Variants in PRKAR1B observed in about 807,000 individuals in gnomAD.
The protein encoded by PRKAR1B is cAMP-dependent protein kinase type I-beta regulatory subunit.
Under a neutral mutation model 46.5 loss-of-function variants are expected in PRKAR1B, and 22 were observed. That is an observed-to-expected ratio of 0.47 (90% CI 0.34 to 0.68). PRKAR1B has a LOEUF of 0.68. Ranked by LOEUF, PRKAR1B falls within the 30% of genes least tolerant of loss-of-function variation. PRKAR1B has a pLI of 0.01. For synonymous variants in PRKAR1B, 259 were observed against 217.7 expected (o/e 1.19, Z -1.67); for missense variants, 445 against 535.6 (o/e 0.83, Z 1.67).
rs1464427660 is a variant in PRKAR1B at position 711,398 on chromosome 7, G to C, written c.108C>G (p.Val36=). Residue 36 remains valine (V), a synonymous_variant, in exon 2 of 11, where the codon GTC becomes GTG. Transcript: ENST00000537384. ...GTTCGGGCTTGGAGATGCAGAGGTG[G>C]ACGATACAGTCTTTGAGGACCTGCT... ...GIQQVLKDCI[V]HLCISKPERP... is the part of the protein sequence containing the mutation. 1.9e-6 allele frequency: 3 copies of C among 1,614,254 alleles called. No homozygotes were observed. Among genetic ancestry groups the C allele is most frequent in the African/African-American group, 1.3e-5 (1 of 75,078 alleles).
intron 9 of PRKAR1B, among the ~76,000 whole-genome samples, chr7:561,615 A>T (rs1201721508): frequency 6.6e-6 from 1 of 152,148 alleles, no homozygotes; most frequent in Non-Finnish European, 1.5e-5. Flanking sequence ...CCCGCTCCTC[A>T]GGCCCGGCTG....
At chr7:643,477 C>T (rs768376185) in intron 4 of PRKAR1B, among the ~76,000 whole-genome samples, 3 of 151,426 alleles carry the variant, frequency 2.0e-5, no homozygotes, top group Non-Finnish European at 4.4e-5. Flanking sequence ...AATCCCAGCA[C>T]TTTGGGAGGC....
At chr7:573,376 T>A (rs1378356940) in intron 9 of PRKAR1B, among the ~76,000 whole-genome samples, 1 of 151,514 alleles carries the variant, frequency 6.6e-6, no homozygotes, top group Non-Finnish European at 1.5e-5. Context: ...CAGGGCACCC[T>A]GCGCAGCGCT....
In PRKAR1B at chr7:666,719, C is replaced by T. The variant is rs1055768333; in HGVS notation, c.440+10510G>A. On this transcript the variant is annotated intron_variant, in intron 4 of 10. Coordinates refer to ENST00000537384, the MANE Select transcript of PRKAR1B (RefSeq NM_001164760.2). This position sits in a 1 kb window ranked among gnomAD's most constrained non-coding sequence, Gnocchi z 4.9. ...ACTGTGGGTGCTGGGAGGCCCGGAG[C>T]GGCCTATTCACCAACTCAGGCCCAG... is the stretch of plus-strand genomic sequence containing the variant. Among the ~76,000 whole-genome samples the T allele has an allele frequency of 6.6e-6, 1 of 152,212 alleles. No individual in the cohort carries two copies. Among genetic ancestry groups the T allele is most frequent in the Admixed American group, 6.5e-5 (1 of 15,290 alleles).
chr7:674,053 C>A (rs1417715248), intron 4 of PRKAR1B, among the ~76,000 whole-genome samples: 1 of 152,200 alleles, frequency 6.6e-6, no homozygotes, highest in Admixed American at 6.5e-5. Flanking sequence ...TCCTGGGAAA[C>A]CCAGGGCCAC....
chr7:563,211 G>A (rs751293650), intron 9 of PRKAR1B, among the ~76,000 whole-genome samples: 5 of 152,126 alleles, frequency 3.3e-5, no homozygotes, highest in Non-Finnish European at 4.4e-5. Context: ...CTGATGCCCC[G>A]TGCCCTCGGC....
intron 8 of PRKAR1B, among the ~76,000 whole-genome samples, chr7:581,302 CAAAAAAAAA>C (rs758386135): frequency 3.9e-5 from 4 of 103,160 alleles, no homozygotes; most frequent in Non-Finnish European, 7.9e-5. Flanking sequence ...CACTCTGTCT[CAAAAAAAAA>C]AAAAAAAAAA....
chr7:633,264 C>T lies in PRKAR1B; in HGVS notation c.441-25812G>A, dbSNP rs571958002. ...TCTATCTAACACAGGCAGGAGGGGC[C>T]GTGACTCCATGTGCGTATTTGCTTA... On this transcript the variant is annotated intron_variant, in intron 4 of 10. Coordinates refer to ENST00000537384, the MANE Select transcript of PRKAR1B (RefSeq NM_001164760.2). Among the ~76,000 whole-genome samples the T allele has an allele frequency of 3.3e-5, 5 of 152,158 alleles. 1 individual carries two copies. The highest frequency in any genetic ancestry group is 1.3e-4 in the Admixed American group (2 of 15,262).
chr7:638,225 T>C lies in PRKAR1B; in HGVS notation c.441-30773A>G, dbSNP rs534812547. Among the ~76,000 whole-genome samples, 9 of 152,372 alleles carry C rather than the reference T, an allele frequency of 5.9e-5. No individual in the cohort carries two copies. The South Asian group carries it at 1.0e-3, about 18-fold the overall frequency. ...CTCCTCGACTTGGCACATTTTAATT[T>C]GAATTTCAGCCCCATGCCCGGATAA... On this transcript the variant is annotated intron_variant, in intron 4 of 10. Coordinates refer to ENST00000537384, the MANE Select transcript of PRKAR1B (RefSeq NM_001164760.2).
intron 2 of PRKAR1B, among the ~76,000 whole-genome samples, chr7:687,168 T>C (rs181023080): frequency 3.3e-5 from 5 of 152,280 alleles, no homozygotes; most frequent in African/African-American, 4.8e-5. Flanking sequence ...TCATATGTAA[T>C]GTTGGGAACT....
At chr7:719,532 C>T (rs554792018) in intron 1 of PRKAR1B, among the ~76,000 whole-genome samples, 6 of 152,240 alleles carry the variant, frequency 3.9e-5, no homozygotes, top group East Asian at 1.9e-4. Flanking sequence ...CCCAGGTGGA[C>T]GTGAATGCCT....
At chr7:670,190 T>A (rs1786156924) in intron 4 of PRKAR1B, among the ~76,000 whole-genome samples, 1 of 152,110 alleles carries the variant, frequency 6.6e-6, no homozygotes, top group Non-Finnish European at 1.5e-5. Context: ...TTTTTAGGGT[T>A]TGGATGTAAA....
chr7:662,200 G>C (rs1353542236), intron 4 of PRKAR1B, among the ~76,000 whole-genome samples: 52 of 56,214 alleles, frequency 9.3e-4, no homozygotes, highest in Non-Finnish European at 9.0e-4. Context: ...CCCCCCCATG[G>C]CACAGGTCCC....
chr7:726,507 G>A (rs1781287828), intron 1 of PRKAR1B: 1 of 386,750 alleles, frequency 2.6e-6, no homozygotes, highest in Admixed American at 4.5e-5. Flanking sequence ...CTGTACAATG[G>A]GGACAGGACA....
chr7:621,987 G>A (rs1235425068), intron 4 of PRKAR1B, among the ~76,000 whole-genome samples: 1 of 152,254 alleles, frequency 6.6e-6, no homozygotes, highest in Non-Finnish European at 1.5e-5. Context: ...CAGGAGTGAT[G>A]CAAATGGAGC....
intron 4 of PRKAR1B, among the ~76,000 whole-genome samples, chr7:654,620 C>T (rs1785094439): frequency 6.7e-6 from 1 of 149,892 alleles, no homozygotes; most frequent in African/African-American, 2.5e-5. Context: ...CATCACCATC[C>T]TCATCACCTT....
intron 9 of PRKAR1B, among the ~76,000 whole-genome samples, chr7:572,138 C>T (rs998638527): frequency 3.3e-5 from 5 of 152,158 alleles, no homozygotes; most frequent in African/African-American, 1.2e-4. Flanking sequence ...CTCACAAGGA[C>T]GCAGGACGCC....
chr7:653,089 G>T (rs993128119), intron 4 of PRKAR1B, among the ~76,000 whole-genome samples: 1 of 152,198 alleles, frequency 6.6e-6, no homozygotes, highest in South Asian at 2.1e-4. Flanking sequence ...CGCTCCCAGT[G>T]GACAAGTGCT....
At chr7:552,501 C>G (rs540145864) in intron 9 of PRKAR1B, among the ~76,000 whole-genome samples, 1 of 151,614 alleles carries the variant, frequency 6.6e-6, no homozygotes, top group East Asian at 2.0e-4. Flanking sequence ...CACCTCCCAC[C>G]CAGGTCCTTC....
Sources: allele counts gnomAD v4.1 joint callset (sites outside exome capture counted in the v4.1 genomes callset), GRCh38; gene constraint gnomAD v4.1.1; non-coding constraint Gnocchi (gnomAD v3.1); transcripts MANE v1.5; gene names NCBI Gene and HGNC (gene_info 2026-07-23, HGNC 2026-07-21).